MBD5: variants seen among roughly 807,000 people sequenced by gnomAD.
The protein encoded by MBD5 is methyl-CpG binding domain protein 5.
MBD5 carries 13 observed loss-of-function variants against 117.3 expected under a neutral mutation model. The ratio of observed to expected loss-of-function variants is 0.11; its 90% CI spans 0.07 to 0.18. MBD5 has a LOEUF of 0.18. Ranked by LOEUF, MBD5 falls within the 10% of genes least tolerant of loss-of-function variation. MBD5 has a pLI of 1.00. For missense variants in MBD5, 1,879 were observed against 2,093.8 expected (o/e 0.90, Z 2.00); for synonymous variants, 727 against 766.4 (o/e 0.95, Z 0.85).
intron 11 of MBD5, 72 bp from the exon 12 acceptor site, chr2:148,502,364 C>A: frequency 7.0e-7 from 1 of 1,418,622 alleles, no homozygotes; most frequent in East Asian, 2.3e-5. Context: ...GCTTGTACGG[C>A]AGGAAAGTAA....
intron 3 of MBD5, among the ~76,000 whole-genome samples, chr2:148,234,968 A>G (rs1470163809): frequency 6.6e-6 from 1 of 152,154 alleles, no homozygotes; most frequent in African/African-American, 2.4e-5. Context: ...TAAGTAGTCT[A>G]CGTTTCTCCC....
chr2:148,200,680 G>A (rs1310836441), intron 2 of MBD5, among the ~76,000 whole-genome samples: 12 of 144,592 alleles, frequency 8.3e-5, no homozygotes, highest in Non-Finnish European at 1.3e-4. Flanking sequence ...GTGACAGAGC[G>A]AGACTCTATC....
intron 3 of MBD5, among the ~76,000 whole-genome samples, chr2:148,248,811 G>T (rs1460022875): frequency 2.0e-5 from 3 of 152,030 alleles, no homozygotes; most frequent in African/African-American, 7.2e-5. Flanking sequence ...GAACAAAATA[G>T]ATTGCTTAGA....
intron 2 of MBD5, among the ~76,000 whole-genome samples, chr2:148,182,647 G>A (rs1179002082): frequency 6.6e-6 from 1 of 152,210 alleles, no homozygotes; most frequent in Non-Finnish European, 1.5e-5. Context: ...GGATTTTGGT[G>A]AGGACATATC....
chr2:148,340,576 C>G (rs1216773657), intron 3 of MBD5, among the ~76,000 whole-genome samples: 1 of 151,942 alleles, frequency 6.6e-6, no homozygotes, highest in Non-Finnish European at 1.5e-5. Context: ...GTGTTTTATC[C>G]AATTCATTGG....
intron 3 of MBD5, among the ~76,000 whole-genome samples, chr2:148,302,923 A>C (rs1447006830): frequency 6.6e-6 from 1 of 150,530 alleles, no homozygotes; most frequent in African/African-American, 2.4e-5. Context: ...GATATACCAC[A>C]CTAAAGCGTA....
intron 1 of MBD5, among the ~76,000 whole-genome samples, chr2:148,053,085 A>G (rs1694765987): frequency 6.6e-6 from 1 of 151,692 alleles, no homozygotes; most frequent in East Asian, 1.9e-4. Context: ...TCTTCTATTT[A>G]GATTTGTATG....
intron 1 of MBD5, among the ~76,000 whole-genome samples, chr2:148,124,986 G>T (rs1286431553): frequency 6.6e-6 from 1 of 150,758 alleles, no homozygotes; most frequent in Non-Finnish European, 1.5e-5. Context: ...GTGGGATCAG[G>T]ATTATACATA....
At chr2:148,115,858 CATTT>C (rs1414687815) in intron 1 of MBD5, among the ~76,000 whole-genome samples, 2 of 151,796 alleles carry the variant, frequency 1.3e-5, no homozygotes, top group Non-Finnish European at 2.9e-5. Context: ...TTTATTCATT[CATTT>C]GAGACAGGGT....
chr2:148,206,366 A>G (rs1699283077), intron 2 of MBD5, among the ~76,000 whole-genome samples: 1 of 152,186 alleles, frequency 6.6e-6, no homozygotes, highest in African/African-American at 2.4e-5. Context: ...ATACACATTT[A>G]TGGGGTACAT....
At chr2:148,081,763 G>A (rs140053602) in intron 1 of MBD5, among the ~76,000 whole-genome samples, 6 of 152,178 alleles carry the variant, frequency 3.9e-5, no homozygotes, top group South Asian at 2.1e-4. Flanking sequence ...TAAGATGAAC[G>A]GGTCTACCTT....
chr2:148,468,609 C>T lies in MBD5; in HGVS notation c.666C>T (p.Pro222=), dbSNP rs1349108004. 1 of 1,613,888 alleles carries T rather than the reference C, an allele frequency of 6.2e-7. No homozygotes were observed. Residue 222 remains proline, a synonymous_variant, in exon 8 of 14, where the codon CCC becomes CCT. Transcript: ENST00000642680. ...TCCGTGGCAGCCATGGAGGCCTGCC[C>T]AGCCCAGCGTCATCAGGTTCCCAGA... ...SPFRGSHGGL[P]SPASSGSQIY... is the part of the protein sequence containing the mutation.
At chr2:148,296,241 C>T (rs1701643800) in intron 3 of MBD5, 1 of 190,734 alleles carries the variant, frequency 5.2e-6, no homozygotes. Context: ...CTTCTCTCTT[C>T]TTATAGAATA....
chr2:148,353,125 G>A (rs1026761745), intron 4 of MBD5, among the ~76,000 whole-genome samples: 3 of 152,026 alleles, frequency 2.0e-5, no homozygotes, highest in Non-Finnish European at 4.4e-5. Flanking sequence ...TAGTAAAAAA[G>A]GGCACTGAGG....
intron 3 of MBD5, among the ~76,000 whole-genome samples, chr2:148,309,174 T>A (rs969801519): frequency 1.6e-4 from 25 of 152,336 alleles, no homozygotes; most frequent in African/African-American, 5.8e-4. Context: ...AAAGTAGTTT[T>A]TTCTAATTCT....
chr2:148,177,670 A>T (rs1698423196), intron 1 of MBD5, among the ~76,000 whole-genome samples: 1 of 152,218 alleles, frequency 6.6e-6, no homozygotes, highest in Non-Finnish European at 1.5e-5. Flanking sequence ...AGAAAAAGAT[A>T]TCCTTCCTTC....
chr2:148,113,190 T>A (rs1392577784), intron 1 of MBD5, among the ~76,000 whole-genome samples: 1 of 152,150 alleles, frequency 6.6e-6, no homozygotes, highest in Admixed American at 6.5e-5. Context: ...ATACTTGAGG[T>A]GCAGTTGGGG....
chr2:148,345,788 G>T (rs1703109935), intron 4 of MBD5, among the ~76,000 whole-genome samples: 1 of 151,486 alleles, frequency 6.6e-6, no homozygotes, highest in Non-Finnish European at 1.5e-5. Context: ...AAGCTGAGGA[G>T]CAAGGAGAGC....
chr2:148,138,390 T>C (rs763383532), intron 1 of MBD5, among the ~76,000 whole-genome samples: 8 of 152,190 alleles, frequency 5.3e-5, no homozygotes, highest in Non-Finnish European at 1.0e-4. Context: ...AAATTTCAAT[T>C]AGAATATGGA....
Sources: allele counts gnomAD v4.1 joint callset (sites outside exome capture counted in the v4.1 genomes callset), GRCh38; gene constraint gnomAD v4.1.1; transcripts MANE v1.5; gene names NCBI Gene and HGNC (gene_info 2026-07-23, HGNC 2026-07-21).